Variants in OPCML observed in about 807,000 individuals in gnomAD.
OPCML encodes the protein opioid-binding protein/cell adhesion molecule.
A neutral mutation model predicts 37.8 loss-of-function variants in OPCML; 13 were observed. The ratio of observed to expected loss-of-function variants is 0.34; its 90% CI spans 0.22 to 0.55. The LOEUF (loss-of-function observed/expected upper bound fraction) is 0.55. OPCML is among the 20% of genes least tolerant of loss of function. The pLI is 0.91. For missense variants in OPCML, 341 were observed against 435.6 expected (o/e 0.78, Z 1.93); for synonymous variants, 176 against 168.8 (o/e 1.04, Z -0.33).
rs1455806126 is a variant in OPCML at position 133,173,884 on chromosome 11, G to C, written c.62-230874C>G. 6.6e-6 allele frequency among the ~76,000 whole-genome samples: 1 copy of C among 152,188 alleles called. No homozygotes were observed. The highest frequency in any genetic ancestry group is 1.5e-5 in the Non-Finnish European group (1 of 68,038). On this transcript the variant is annotated intron_variant, in intron 1 of 7. Coordinates refer to ENST00000524381, the MANE Select transcript of OPCML (RefSeq NM_001012393.5). The surrounding 1 kb of genome is among the most constrained non-coding windows in gnomAD (Gnocchi z 7.8). Reference sequence around the variant, plus strand: ...GTTGATAAATGGGTCTGCACTCTGAGGGCTGGAATGAAGATTGGACCGGGG... The same window carrying C: ...GTTGATAAATGGGTCTGCACTCTGACGGCTGGAATGAAGATTGGACCGGGG...
intron 2 of OPCML, among the ~76,000 whole-genome samples, chr11:132,878,711 C>G (rs183334155): frequency 1.0e-4 from 15 of 150,002 alleles, no homozygotes; most frequent in African/African-American, 3.4e-4. Context: ...GAGTGTCTAT[C>G]TGTCTATCTA....
At chr11:132,544,264 G>A (rs1310668364) in intron 3 of OPCML, among the ~76,000 whole-genome samples, 2 of 151,936 alleles carry the variant, frequency 1.3e-5, no homozygotes, top group Non-Finnish European at 2.9e-5. Context: ...TAACGTCACC[G>A]GAAGCTTCCA....
intron 2 of OPCML, among the ~76,000 whole-genome samples, chr11:132,792,730 G>A (rs1938010822): frequency 6.6e-6 from 1 of 152,176 alleles, no homozygotes; most frequent in South Asian, 2.1e-4. Context: ...CGGCCCTGGT[G>A]AGTGAAGTGG....
chr11:133,204,252 T>C (rs1938937308), intron 1 of OPCML, among the ~76,000 whole-genome samples: 1 of 152,286 alleles, frequency 6.6e-6, no homozygotes, highest in South Asian at 2.1e-4. Context: ...ACCAATAAAC[T>C]GGTCATTTGA....
At chr11:133,160,589 T>C (rs771183976) in intron 1 of OPCML, among the ~76,000 whole-genome samples, 4 of 152,250 alleles carry the variant, frequency 2.6e-5, no homozygotes, top group Admixed American at 2.6e-4. Flanking sequence ...GCCTACCAAC[T>C]TGATGGGCAG....
chr11:133,411,376 G>A (rs902031289), intron 1 of OPCML, among the ~76,000 whole-genome samples: 5 of 152,182 alleles, frequency 3.3e-5, no homozygotes, highest in African/African-American at 1.2e-4. Context: ...TTGAAAACAT[G>A]ATCAAGCATG....
At chr11:133,315,098 G>C (rs1393827530) in intron 1 of OPCML, among the ~76,000 whole-genome samples, 3 of 152,222 alleles carry the variant, frequency 2.0e-5, no homozygotes, top group East Asian at 3.9e-4. Context: ...CATTGAATTA[G>C]ATGCATGTCT....
At chr11:133,405,729 AC>A (rs1392051578) in intron 1 of OPCML, among the ~76,000 whole-genome samples, 1 of 138,158 alleles carries the variant, frequency 7.2e-6, no homozygotes, top group East Asian at 2.2e-4. Flanking sequence ...GTACCCTTCT[AC>A]AAAAAATCTT....
chr11:133,332,843 G>A (rs1943651891), intron 1 of OPCML, among the ~76,000 whole-genome samples: 1 of 152,032 alleles, frequency 6.6e-6, no homozygotes. Flanking sequence ...ATGTGTTGCT[G>A]GATTTGGTTT....
intron 2 of OPCML, among the ~76,000 whole-genome samples, chr11:132,887,874 T>C (rs79012516): frequency 0.029 from 4,461 of 152,290 alleles, 202 homozygotes; most frequent in African/African-American, 0.1. Flanking sequence ...GTGAAATATA[T>C]TTCCTATCCC....
At chr11:133,316,781 G>A (rs1943214880) in intron 1 of OPCML, among the ~76,000 whole-genome samples, 1 of 152,186 alleles carries the variant, frequency 6.6e-6, no homozygotes, top group Non-Finnish European at 1.5e-5. Context: ...TTCAGCACTA[G>A]TGAAATATGA....
At chr11:132,881,003 T>C (rs991353266) in intron 2 of OPCML, among the ~76,000 whole-genome samples, 3 of 152,070 alleles carry the variant, frequency 2.0e-5, no homozygotes, top group Admixed American at 1.3e-4. Context: ...AAAAATAGTG[T>C]TTTTACAAGT....
Position 132,436,767 on chromosome 11 carries a change from A to T in OPCML, c.656T>A (p.Ile219Asn). 3 of 1,614,050 alleles carry T rather than the reference A, an allele frequency of 1.9e-6. No individual in the cohort carries two copies. Among genetic ancestry groups the T allele is most frequent in the Non-Finnish European group, 2.5e-6 (3 of 1,180,014 alleles). ...AACACCAGTGTTCTTGGCTTTTGAG[A>T]TATAGGGAGGATCTGTGGGAAACAC... The part of the protein sequence containing the change: ...VKITVNYPPY[I>N]SKAKNTGVSV... Residue 219 changes from isoleucine to asparagine, a missense_variant, in exon 6 of 8, where the codon ATC (isoleucine) becomes AAC (asparagine). Transcript: ENST00000524381.
At chr11:133,252,943 C>A (rs1255208386) in intron 1 of OPCML, among the ~76,000 whole-genome samples, 1 of 152,108 alleles carries the variant, frequency 6.6e-6, no homozygotes, top group Non-Finnish European at 1.5e-5. Flanking sequence ...GTCGAGAGTT[C>A]GAGACCAGCC....
At chr11:133,517,701 T>C (rs1052097057) in intron 1 of OPCML, among the ~76,000 whole-genome samples, 1 of 152,146 alleles carries the variant, frequency 6.6e-6, no homozygotes, top group African/African-American at 2.4e-5. Flanking sequence ...CAAGCAGCAG[T>C]GAGCAGCGCC....
At chr11:132,529,002 A>G in intron 4 of OPCML, 59 bp downstream of exon 4, 3 of 1,047,036 alleles carry the variant, frequency 2.9e-6, no homozygotes, top group Admixed American at 4.0e-5. Context: ...TCTGTTGTGC[A>G]TAAGAGCCAA....
At chr11:132,781,601 T>TAC (rs139359164) in intron 2 of OPCML, among the ~76,000 whole-genome samples, 6,101 of 146,328 alleles carry the variant, frequency 0.042, 309 homozygotes, top group African/African-American at 0.12. Context: ...CACATATACA[T>TAC]ACACACACAC....
intron 2 of OPCML, among the ~76,000 whole-genome samples, chr11:132,709,557 T>C (rs945455942): frequency 6.6e-6 from 1 of 152,206 alleles, no homozygotes; most frequent in Non-Finnish European, 1.5e-5. Context: ...ACTTTCCTAG[T>C]CCTTCATGAC....
chr11:132,851,647 T>C (rs1180059204), intron 2 of OPCML, among the ~76,000 whole-genome samples: 1 of 152,228 alleles, frequency 6.6e-6, no homozygotes, highest in African/African-American at 2.4e-5. Flanking sequence ...AAATATTTAC[T>C]AATCCAAGCA....
Sources: allele counts gnomAD v4.1 joint callset (sites outside exome capture counted in the v4.1 genomes callset), GRCh38; gene constraint gnomAD v4.1.1; non-coding constraint Gnocchi (gnomAD v3.1); transcripts MANE v1.5; gene names NCBI Gene and HGNC (gene_info 2026-07-23, HGNC 2026-07-21).